TTN: variants seen among roughly 807,000 people sequenced by gnomAD.
TTN encodes titin, also known as connectin.
TTN carries 1,525 observed loss-of-function variants against 3,223.0 expected under a neutral mutation model. The ratio of observed to expected loss-of-function variants is 0.47; its 90% CI spans 0.45 to 0.49. The LOEUF (loss-of-function observed/expected upper bound fraction) is 0.49. TTN is among the 20% of genes least tolerant of loss of function. The probability of loss-of-function intolerance (pLI) is 0.00; values close to 1 mark genes in which losing one functional copy is unlikely to be tolerated. For synonymous variants in TTN, 14,094 were observed against 15,161.0 expected (o/e 0.93, Z 5.17); for missense variants, 40,786 against 43,424.0 (o/e 0.94, Z 5.40).
chr2:178,599,001 G>C lies in TTN; in HGVS notation c.56709C>G (p.Val18903=). ...CATCATATTCTGGCTCTTCCCAGTT[G>C]ACAGTCATGGAGTTACGAGTCACGC... ...VSSVTRNSMT[V]NWEEPEYDGG... is the part of the protein sequence containing the mutation. The change falls in exon 291 of 363, where the codon GTC becomes GTG. Residue 18903 remains valine, a synonymous_variant. Coordinates refer to ENST00000589042, the MANE Select transcript of TTN (RefSeq NM_001267550.2). The C allele has an allele frequency of 6.2e-7, 1 of 1,610,306 alleles. No individual in the cohort carries two copies. Among genetic ancestry groups the C allele is most frequent in the East Asian group, 2.2e-5 (1 of 44,520 alleles).
At chr2:178,806,189 GC>G (rs1333439291) in intron 1 of TTN, among the ~76,000 whole-genome samples, 1 of 152,026 alleles carries the variant, frequency 6.6e-6, no homozygotes, top group Non-Finnish European at 1.5e-5. Context: ...ATATCCAAAA[GC>G]TTTCATAAAT....
chr2:178,541,540 G>T lies in TTN; in HGVS notation c.97537C>A (p.Arg32513Ser). 1 of 1,612,236 alleles carries T rather than the reference G, an allele frequency of 6.2e-7. No individual in the cohort carries two copies. Among genetic ancestry groups the T allele is most frequent in the Non-Finnish European group, 8.5e-7 (1 of 1,178,990 alleles). ...PETLQIFDVS[R>S]DGMTLTWYPP... The stretch of plus-strand genomic sequence containing the variant: ...TACCAAGTAAGTGTCATGCCATCAC[G>T]GGAAACATCAAATATCTGTAATGTT... Residue 32513 changes from arginine (R) to serine (S), a missense_variant, in exon 350 of 363, where the codon CGT becomes AGT. Arg to Ser is a moderately radical substitution (Grantham distance 110). Coordinates refer to ENST00000589042, the MANE Select transcript of TTN (RefSeq NM_001267550.2).
chr2:178,767,743 A>T lies in TTN; in HGVS notation c.9471+16T>A. Reference sequence around the variant, plus strand: ...CTACTGATGATTTTTCAAAACATTTAGTATGTAGACAATACCTGAACCTCC... The same window carrying T: ...CTACTGATGATTTTTCAAAACATTTTGTATGTAGACAATACCTGAACCTCC... On this transcript the variant is annotated intron_variant, in intron 40 of 362. Transcript: ENST00000589042. 1 of 1,613,394 alleles carries T rather than the reference A, an allele frequency of 6.2e-7. No individual in the cohort carries two copies.
chr2:178,585,031 G>C (rs2048617905), intron 309 of TTN, 41 bp downstream of exon 309: 3 of 1,602,822 alleles, frequency 1.9e-6, no homozygotes, highest in Non-Finnish European at 1.7e-6. Flanking sequence ...ATATTTCTGA[G>C]CTTCATATTT....
Position 178,529,223 on chromosome 2 carries a change from A to C in TTN, c.106532-4T>G. On this transcript the variant is annotated splice_region_variant and splice_polypyrimidine_tract_variant and intron_variant, in intron 359 of 362. Coordinates refer to ENST00000589042, the MANE Select transcript of TTN (RefSeq NM_001267550.2). ...TGTGCCTCAGTATCTTTTATAGCTA[A>C]AAAAGAAACCTCTGTAAGGCAAACT... 1 of 1,455,584 alleles carries C rather than the reference A, an allele frequency of 6.9e-7. No individual in the cohort carries two copies. Among genetic ancestry groups the C allele is most frequent in the African/African-American group, 1.4e-5 (1 of 70,628 alleles). 90.2% of individuals were successfully genotyped at this position (1,455,584 alleles called of 1,614,324 possible). A position where few individuals can be genotyped will look rare whatever the true frequency, so the allele number is the denominator to read the frequency against.
Position 178,634,696 on chromosome 2 carries a change from C to A in TTN, c.42151+27G>T. Reference sequence around the variant, plus strand: ...AGGGAAGTGAAATAAAGTTGAGACCCCTCCCCAAATTCTAAAAGCCCCATA... The same window carrying A: ...AGGGAAGTGAAATAAAGTTGAGACCACTCCCCAAATTCTAAAAGCCCCATA... On this transcript the variant is annotated intron_variant, in intron 229 of 362. Transcript: ENST00000589042. The surrounding 1 kb of genome is among the most constrained non-coding windows in gnomAD (Gnocchi z 4.6). 6.2e-7 allele frequency: 1 copy of A among 1,612,268 alleles called. No homozygotes were observed. Among genetic ancestry groups the A allele is most frequent in the Non-Finnish European group, 8.5e-7 (1 of 1,179,254 alleles).
chr2:178,603,851 TCC>T, intron 282 of TTN, 23 bp downstream of exon 282: 1 of 1,519,484 alleles, frequency 6.6e-7, no homozygotes. Context: ...TAGAAATTAG[TCC>T]CCAGAAACGG....
Position 178,561,039 on chromosome 2 carries a change from C to G in TTN, c.85093G>C (p.Asp28365His), listed in dbSNP as rs774971602. 7.4e-6 allele frequency: 12 copies of G among 1,613,756 alleles called. No homozygotes were observed. The South Asian group carries it at 1.2e-4, about 16-fold the overall frequency. The part of the protein sequence containing the change: ...PRVMMDVKFR[D>H]VIVVKAGEVL... ...TCTCCAGCTTTGACAACAATAACGT[C>G]TCGGAACTTGACATCCATCATAACT... Residue 28365 changes from aspartate (D) to histidine (H), a missense_variant, in exon 326 of 363, where the codon GAC becomes CAC. By Grantham distance (81) the Asp-to-His change is moderately conservative. Coordinates refer to ENST00000589042, the MANE Select transcript of TTN (RefSeq NM_001267550.2).
chr2:178,786,455 A>T (rs1024734067), intron 13 of TTN, among the ~76,000 whole-genome samples: 3 of 152,224 alleles, frequency 2.0e-5, no homozygotes, highest in South Asian at 2.1e-4. Flanking sequence ...TTCCAGGCAG[A>T]CAATCAATCA....
intron 313 of TTN, 23 bp from the exon 314 acceptor site, chr2:178,582,615 T>C (rs548205525): frequency 1.3e-6 from 2 of 1,579,016 alleles, no homozygotes; most frequent in Non-Finnish European, 1.7e-6. Context: ...GGAAGAAGAG[T>C]GAATATGTGG....
In TTN at chr2:178,777,811, A is replaced by T. The variant is rs1164246536; in HGVS notation, c.4373T>A (p.Val1458Asp). 1.2e-6 allele frequency: 2 copies of T among 1,614,012 alleles called. No individual in the cohort carries two copies. The highest frequency in any genetic ancestry group is 1.7e-6 in the Non-Finnish European group (2 of 1,179,952). The part of the protein sequence containing the change: ...ESQLERLYKP[V>D]FVLKPVSFKC... ...GAAAGAAACAGGTTTTAACACAAAG[A>T]CTGGTTTATATAGTCTCTCAAGTTG... Residue 1458 changes from valine to aspartate, a missense_variant, in exon 25 of 363, where the codon GTC (valine) becomes GAC (aspartate). Transcript: ENST00000589042.
At chr2:178,744,665 T>C in intron 47 of TTN, 2 of 961,184 alleles carry the variant, frequency 2.1e-6, no homozygotes, top group Non-Finnish European at 2.5e-6. Context: ...ATTACCATAT[T>C]GTCTCAATTC....
rs775230627 is a variant in TTN, at chr2:178,722,918, C to T, written c.21981G>A (p.Thr7327=). ...VSTLEPPYFV[T]ELEPLEAAVG... ...CTGCTGCCTCCAGAGGTTCCAGTTC[C>T]GTAACAAAATAAGGCGGTTCTAAGG... The change falls in exon 76 of 363, where the codon ACG becomes ACA. Residue 7327 remains threonine, a synonymous_variant. Transcript: ENST00000589042. 37 of 1,611,182 alleles carry T rather than the reference C, an allele frequency of 2.3e-5. No homozygotes were observed. Among genetic ancestry groups the T allele is most frequent in the Non-Finnish European group, 2.8e-5 (33 of 1,178,546 alleles).
At chr2:178,553,850 C>T in intron 333 of TTN, 43 bp from the exon 334 acceptor site, 2 of 1,561,404 alleles carry the variant, frequency 1.3e-6, no homozygotes, top group Non-Finnish European at 1.7e-6. Context: ...CAATCATGTA[C>T]AATTTAGTCA....
In TTN at chr2:178,587,806, A is replaced by G. The variant is rs374869709; in HGVS notation, c.63509-6T>C. On this transcript the variant is annotated splice_polypyrimidine_tract_variant and splice_region_variant and intron_variant, in intron 305 of 362. Transcript: ENST00000589042. The stretch of plus-strand genomic sequence containing the variant: ...CAAATCAATCTCCGGAGGTTCTGCA[A>G]ATGACATTAAGGTCATTAATTGATT... The G allele has an allele frequency of 1.3e-6, 2 of 1,590,258 alleles. No homozygotes were observed. Among genetic ancestry groups the G allele is most frequent in the South Asian group, 1.2e-5 (1 of 86,618 alleles).
chr2:178,741,954 T>C lies in TTN; in HGVS notation c.11312-33A>G, dbSNP rs1249206164. On this transcript the variant is annotated intron_variant, in intron 47 of 362. Transcript: ENST00000589042. ...GGGAAAAATGATTATTATTTTACTA[T>C]AAAATTTTATTTAATATAAAAATAG... The C allele has an allele frequency of 4.5e-6, 6 of 1,333,800 alleles. No individual in the cohort carries two copies. In the East Asian group the frequency reaches 1.1e-4, roughly 24 times the overall value. 82.6% of individuals were successfully genotyped at this position (1,333,800 alleles called of 1,614,324 possible).
chr2:178,636,909 A>G lies in TTN; in HGVS notation c.40928-110T>C. 3.2e-6 allele frequency: 4 copies of G among 1,269,306 alleles called. No individual in the cohort carries two copies. The highest frequency in any genetic ancestry group is 3.2e-6 in the Non-Finnish European group (3 of 949,730). 78.6% of individuals were successfully genotyped at this position (1,269,306 alleles called of 1,614,324 possible). On this transcript the variant is annotated intron_variant, in intron 224 of 362. Coordinates refer to ENST00000589042, the MANE Select transcript of TTN (RefSeq NM_001267550.2). This position sits in a 1 kb window ranked among gnomAD's most constrained non-coding sequence, Gnocchi z 4.3. ...AGCCGTAAAGCAATTAGAAGACGAG[A>G]AAACTAAAGACCAGGCAATTGAAAG...
At position 178,652,727 on chromosome 2, in the gene TTN, G is replaced by A. The variant is rs2063280901; in HGVS notation, c.38969C>T (p.Ala12990Val). The stretch of plus-strand genomic sequence containing the variant: ...CTTTTCAGGAACAACCTCTTTGGGA[G>A]CCTCTGGTACTTAAAAGATATTAGT... ...PEVPPVKVPE[A>V]PKEVVPEKKV... The change falls in exon 201 of 363, where the codon GCT (alanine) becomes GTT (valine). Residue 12990 changes from alanine (A) to valine (V), a missense_variant. Physicochemically the swap from Ala to Val is moderately conservative, Grantham distance 64. Transcript: ENST00000589042. 4 of 1,613,036 alleles carry A rather than the reference G, an allele frequency of 2.5e-6. No individual in the cohort carries two copies. The highest frequency in any genetic ancestry group is 3.4e-6 in the Non-Finnish European group (4 of 1,179,472).
Position 178,734,534 on chromosome 2 carries a change from T to C in TTN, c.15290A>G (p.Glu5097Gly), listed in dbSNP as rs1230501060. 1 of 1,611,684 alleles carries C rather than the reference T, an allele frequency of 6.2e-7. No homozygotes were observed. Among genetic ancestry groups the C allele is most frequent in the Admixed American group, 1.7e-5 (1 of 59,876 alleles). ...TTCAAATGGTCCAGTGCCTGAGACT[T>C]CACACTGAAGTAGAGCATTTGTTCC... is the stretch of plus-strand genomic sequence containing the variant. ...VRGTNALLQC[E>G]VSGTGPFEIS... Residue 5097 changes from glutamate (E) to glycine (G), a missense_variant, in exon 52 of 363, where the codon GAA becomes GGA. Coordinates refer to ENST00000589042, the MANE Select transcript of TTN (RefSeq NM_001267550.2).
Sources: gnomAD v4.1 joint callset for allele counts (sites outside exome capture counted in the v4.1 genomes callset) on GRCh38, gnomAD v4.1.1 for gene constraint, Gnocchi (gnomAD v3.1) non-coding constraint, MANE v1.5 for transcripts, NCBI Gene and HGNC (gene_info 2026-07-23, HGNC 2026-07-21) for gene names.